The following GPR137 variants were observed in gnomAD, a reference collection of about 807,000 sequenced individuals.
The protein encoded by GPR137 is integral membrane protein GPR137.
In GPR137, 20 loss-of-function variants were observed where a neutral mutation model predicts 38.9. The observed-to-expected ratio is 0.51, with a 90% CI of 0.36 to 0.75. GPR137 has a LOEUF of 0.75. Among genes scored for constraint, GPR137 ranks in the 30% least tolerant of loss-of-function variants. The pLI is 0.00. For missense variants in GPR137, 456 were observed against 526.4 expected, an observed-to-expected ratio of 0.87 and a Z score of 1.31; for synonymous variants, 226 against 235.8, an observed-to-expected ratio of 0.96 and a Z score of 0.38.
chr11:64,271,760 G>T, upstream of GPR137: 1 of 1,422,572 alleles, frequency 7.0e-7, no homozygotes, highest in South Asian at 1.6e-5. Context: ...CCGTCCCCGC[G>T]GGGTAGGAGC....
At position 64,288,341 on chromosome 11, in the gene GPR137, C is replaced by T. The variant is rs200168273; in HGVS notation, c.785C>T (p.Ala262Val). ...GCACCAGCCCCTGCCTTCCCACAGG[C>T]GGACCTGGTGAATGACCTGGGGAAC... ...DYDWYNVSDQADLVNDLGNKG... is the reference protein window; with the variant it reads ...DYDWYNVSDQVDLVNDLGNKG... Residue 262 changes from alanine (A) to valine (V), a missense_variant and splice_region_variant, in exon 5 of 7, where the codon GCG becomes GTG. By Grantham distance (64) the Ala-to-Val change is moderately conservative. Transcript: ENST00000438980. The surrounding 1 kb of genome is among the most constrained non-coding windows in gnomAD (Gnocchi z 5.5). The T allele has an allele frequency of 1.2e-5, 20 of 1,613,586 alleles. No individual in the cohort carries two copies. The highest frequency in any genetic ancestry group is 1.3e-5 in the African/African-American group (1 of 74,922).
Position 64,285,955 on chromosome 11 carries a change from C to T in GPR137, c.-570C>T. On this transcript the variant is annotated 5_prime_UTR_variant, in exon 1 of 7. Transcript: ENST00000438980. ...GTCCGCCTCCTCCCTCCCCTTGAGG[C>T]TGGAGCGTGGACGCGGTGGGGGAGG... is the stretch of plus-strand genomic sequence containing the variant. The T allele has an allele frequency of 1.0e-6, 1 of 956,166 alleles. No homozygotes were observed. The highest frequency in any genetic ancestry group is 4.8e-5 in the South Asian group (1 of 20,652). 59.2% of individuals were successfully genotyped at this position (956,166 alleles called of 1,614,324 possible).
upstream of GPR137, chr11:64,284,875 G>T: frequency 6.1e-6 from 9 of 1,479,664 alleles, no homozygotes; most frequent in Admixed American, 2.3e-5. Context: ...TCACATCCTC[G>T]CTGCCTCACA....
Position 64,286,074 on chromosome 11 carries a change from G to C in GPR137, c.-451G>C. 1 of 992,572 alleles carries C rather than the reference G, an allele frequency of 1.0e-6. No homozygotes were observed. The highest frequency in any genetic ancestry group is 1.2e-6 in the Non-Finnish European group (1 of 834,898). 61.5% of individuals were successfully genotyped at this position (992,572 alleles called of 1,614,324 possible). A position where few individuals can be genotyped will look rare whatever the true frequency, so the allele number is the denominator to read the frequency against. ...GAGGAGAGAGAGCCTCCCCCAGCTT[G>C]GGGAGGGGGAGAGCGGGGCATTGGG... is the stretch of plus-strand genomic sequence containing the variant. On this transcript the variant is annotated 5_prime_UTR_variant, in exon 1 of 7. Coordinates refer to ENST00000438980, the MANE Select transcript of GPR137 (RefSeq NM_001170880.2).
chr11:64,284,708 T>G (rs1300662826), upstream of GPR137: 1 of 1,535,864 alleles, frequency 6.5e-7, no homozygotes, highest in Non-Finnish European at 8.7e-7. Flanking sequence ...CCTAGTTGCT[T>G]GGGCAACGGG....
chr11:64,288,750 C>T lies in GPR137; in HGVS notation c.1031+29C>T, dbSNP rs373283890. On this transcript the variant is annotated intron_variant, in intron 6 of 6. Transcript: ENST00000438980. The surrounding 1 kb of genome is among the most constrained non-coding windows in gnomAD (Gnocchi z 5.5). ...GGAGCCGTGGCACTGCCTCAGTACCCCTGCCCTACCCGCCCACCCCGCTGG... is the reference window on the plus strand; with the variant it reads ...GGAGCCGTGGCACTGCCTCAGTACCTCTGCCCTACCCGCCCACCCCGCTGG... 3 of 1,502,100 alleles carry T rather than the reference C, an allele frequency of 2.0e-6. No homozygotes were observed. The highest frequency in any genetic ancestry group is 2.8e-5 in the African/African-American group (2 of 72,118). 93.0% of individuals were successfully genotyped at this position (1,502,100 alleles called of 1,614,324 possible). A position where few individuals can be genotyped will look rare whatever the true frequency, so the allele number is the denominator to read the frequency against.
At chr11:64,284,174 G>T (rs1281825331), upstream of GPR137, 3 of 1,582,966 alleles carry the variant, frequency 1.9e-6, no homozygotes, top group Non-Finnish European at 2.6e-6. Context: ...AGGTGGTGGG[G>T]TACTTACCTC....
At chr11:64,284,493 G>T, upstream of GPR137, 1 of 1,579,264 alleles carries the variant, frequency 6.3e-7, no homozygotes, top group South Asian at 1.1e-5. Flanking sequence ...GGCCCGCCAG[G>T]CCTCCTGGGC....
chr11:64,285,536 C>T (rs967480046), upstream of GPR137: 5 of 985,012 alleles, frequency 5.1e-6, no homozygotes, highest in African/African-American at 7.0e-5. Context: ...CGTTGCCGCC[C>T]CCGGCCGGGC....
chr11:64,278,823 C>T (rs553060068), intron 2 of GPR137, among the ~76,000 whole-genome samples: 41 of 152,306 alleles, frequency 2.7e-4, no homozygotes, highest in African/African-American at 9.6e-4. Flanking sequence ...GAGGAGTGAC[C>T]GAACCAAGTG....
In GPR137 at chr11:64,285,938, C is replaced by G. The variant is rs888032912; in HGVS notation, c.-587C>G. ...CGGCCTGAGGACCTGGCGTCCGCCT[C>G]CTCCCTCCCCTTGAGGCTGGAGCGT... On this transcript the variant is annotated 5_prime_UTR_variant, in exon 1 of 7. Transcript: ENST00000438980. 18 of 965,678 alleles carry G rather than the reference C, an allele frequency of 1.9e-5. No individual in the cohort carries two copies. Among genetic ancestry groups the G allele is most frequent in the Non-Finnish European group, 2.2e-5 (18 of 811,928 alleles). The allele number at this position is 965,678 out of a possible 1,614,324, so 59.8% of individuals were successfully genotyped here.
At chr11:64,271,495 G>T, upstream of GPR137, 1 of 1,087,802 alleles carries the variant, frequency 9.2e-7, no homozygotes, top group Non-Finnish European at 1.2e-6. Context: ...GAACAGGACG[G>T]CTTTGGGGAG....
At chr11:64,284,761 C>A (rs779169430), upstream of GPR137, 60 of 1,535,568 alleles carry the variant, frequency 3.9e-5, no homozygotes, top group Middle Eastern at 8.3e-4. Context: ...GAACGTCACT[C>A]GGGTAGGTCC....
At position 64,286,184 on chromosome 11, in the gene GPR137, C is replaced by G. The variant is rs2034008683; in HGVS notation, c.-341C>G. On this transcript the variant is annotated 5_prime_UTR_variant, in exon 1 of 7. Transcript: ENST00000438980. Reference sequence around the variant, plus strand: ...CCCAGGACGACATGAACGACCGAGGCCAGGGAGTCCTCTCCTTGGGCCTCT... The same window carrying G: ...CCCAGGACGACATGAACGACCGAGGGCAGGGAGTCCTCTCCTTGGGCCTCT... 9.2e-7 allele frequency: 1 copy of G among 1,084,652 alleles called. No individual in the cohort carries two copies. The highest frequency in any genetic ancestry group is 4.0e-5 in the South Asian group (1 of 24,776). 67.2% of individuals were successfully genotyped at this position (1,084,652 alleles called of 1,614,324 possible).
In GPR137 at chr11:64,285,861, C is replaced by T; in HGVS notation, c.-664C>T. On this transcript the variant is annotated 5_prime_UTR_variant, in exon 1 of 7. Coordinates refer to ENST00000438980, the MANE Select transcript of GPR137 (RefSeq NM_001170880.2). ...GGGGAGGGGGGCGGAGCAGCGGGAG[C>T]CGGGGAGCCGGAGCCCCGGGTCCCC... The T allele has an allele frequency of 1.8e-5, 18 of 982,950 alleles. No homozygotes were observed. The highest frequency in any genetic ancestry group is 2.2e-5 in the Non-Finnish European group (18 of 827,746). 60.9% of individuals were successfully genotyped at this position (982,950 alleles called of 1,614,324 possible).
rs747771592 is a variant in GPR137 at position 64,286,857 on chromosome 11, G to A, written c.333G>A (p.Thr111=). 5 of 1,598,034 alleles carry A rather than the reference G, an allele frequency of 3.1e-6. No homozygotes were observed. The South Asian group carries it at 5.6e-5, about 18-fold the overall frequency. ...CPVCLQFFTL[T]LMNLYFAQVV... ...TCTGCCTGCAGTTCTTCACCTTGAC[G>A]CTTATGAACCTCTACTTTGCCCAGG... Residue 111 remains threonine (T), a synonymous_variant, in exon 1 of 7, where the codon ACG becomes ACA. Coordinates refer to ENST00000438980, the MANE Select transcript of GPR137 (RefSeq NM_001170880.2).
upstream of GPR137, chr11:64,285,142 G>A (rs2033806713): frequency 3.0e-6 from 3 of 997,680 alleles, no homozygotes; most frequent in Non-Finnish European, 3.6e-6. Flanking sequence ...TTACCGCTCC[G>A]CCTGGACTGG....
chr11:64,283,740 C>T (rs1565352540), upstream of GPR137, among the ~76,000 whole-genome samples: 1 of 152,176 alleles, frequency 6.6e-6, no homozygotes, highest in Non-Finnish European at 1.5e-5. Context: ...TTTTCCTTTT[C>T]GGATCACTGC....
intron 1 of GPR137, chr11:64,275,896 A>G (rs772067934): frequency 6.6e-6 from 1 of 151,626 alleles, no homozygotes; most frequent in Non-Finnish European, 1.5e-5. Flanking sequence ...TCCTTGCCAC[A>G]CCCTATCAGG....
Sources: allele counts gnomAD v4.1 joint callset (sites outside exome capture counted in the v4.1 genomes callset), GRCh38; gene constraint gnomAD v4.1.1; non-coding constraint Gnocchi (gnomAD v3.1); transcripts MANE v1.5; gene names NCBI Gene and HGNC (gene_info 2026-07-23, HGNC 2026-07-21).